Variants in CEMIP2 observed in about 807,000 individuals in gnomAD.
CEMIP2 encodes the protein cell surface hyaluronidase CEMIP2.
A neutral mutation model predicts 146.9 loss-of-function variants in CEMIP2; 79 were observed. That is an observed-to-expected ratio of 0.54 (90% CI 0.45 to 0.65). CEMIP2 has a LOEUF of 0.65. Among genes scored for constraint, CEMIP2 ranks in the 30% least tolerant of loss-of-function variants. CEMIP2 has a pLI of 0.00. For missense variants in CEMIP2, 1,596 were observed against 1,696.2 expected (o/e 0.94, Z 1.04); for synonymous variants, 601 against 606.3 (o/e 0.99, Z 0.13).
At chr9:71,720,013 C>T (rs768847139) in intron 12 of CEMIP2, among the ~76,000 whole-genome samples, 1 of 152,106 alleles carries the variant, frequency 6.6e-6, no homozygotes, top group Admixed American at 6.6e-5. Flanking sequence ...TGCTTTGATA[C>T]CCTTTATTTC....
rs200303233 is a variant in CEMIP2, at chr9:71,746,248, C to T, written c.425G>A (p.Arg142His). ...ATGCACGGTGGCGTCTGAGGTCAGA[C>T]GGAGCATATCTCCCTCCTTGATAAC... The part of the protein sequence containing the change: ...QVVIKEGDML[R>H]LTSDATVHSI... The change falls in exon 3 of 24, where the codon CGT becomes CAT. Residue 142 changes from arginine to histidine, a missense_variant. Coordinates refer to ENST00000377044, the MANE Select transcript of CEMIP2 (RefSeq NM_013390.3). 106 of 1,613,834 alleles carry T rather than the reference C, an allele frequency of 6.6e-5. No homozygotes were observed. Among genetic ancestry groups the T allele is most frequent in the Non-Finnish European group, 8.1e-5 (96 of 1,179,886 alleles).
intron 2 of CEMIP2, among the ~76,000 whole-genome samples, chr9:71,748,517 T>C (rs1389765061): frequency 6.6e-6 from 1 of 152,218 alleles, no homozygotes; most frequent in Non-Finnish European, 1.5e-5. Context: ...TTAGATGGAA[T>C]ATGAAAACAC....
chr9:71,750,435 A>C, intron 1 of CEMIP2, 50 bp from the exon 2 acceptor site: 3 of 1,272,366 alleles, frequency 2.4e-6, no homozygotes, highest in Non-Finnish European at 3.2e-6. Flanking sequence ...ATTCTTTTTT[A>C]ATTTCTTTTA....
intron 17 of CEMIP2, among the ~76,000 whole-genome samples, chr9:71,709,032 T>C (rs1275686583): frequency 6.6e-6 from 1 of 152,136 alleles, no homozygotes; most frequent in East Asian, 1.9e-4. Flanking sequence ...GGACTCACTC[T>C]TTCACCTCTT....
At chr9:71,706,410 G>T (rs919275204) in intron 17 of CEMIP2, among the ~76,000 whole-genome samples, 1 of 152,022 alleles carries the variant, frequency 6.6e-6, no homozygotes, top group African/African-American at 2.4e-5. Context: ...ATTCTCAGGA[G>T]TAAATTTCTG....
chr9:71,751,236 A>G (rs1032421741), intron 1 of CEMIP2, among the ~76,000 whole-genome samples: 10 of 152,194 alleles, frequency 6.6e-5, no homozygotes, highest in Admixed American at 6.5e-4. Context: ...CTCTATATCC[A>G]TTAAGTAACT....
intron 1 of CEMIP2, among the ~76,000 whole-genome samples, chr9:71,757,908 G>A (rs746508282): frequency 6.6e-6 from 1 of 152,138 alleles, no homozygotes; most frequent in African/African-American, 2.4e-5. Context: ...GACTTTTTAG[G>A]TCCTCTAATT....
intron 10 of CEMIP2, among the ~76,000 whole-genome samples, chr9:71,727,864 C>T (rs1823436710): frequency 6.6e-6 from 1 of 152,074 alleles, no homozygotes; most frequent in Non-Finnish European, 1.5e-5. Flanking sequence ...AGTTCAAGAC[C>T]AGCCTGGCCA....
chr9:71,744,053 G>T (rs1824002377), intron 4 of CEMIP2, among the ~76,000 whole-genome samples: 1 of 152,182 alleles, frequency 6.6e-6, no homozygotes, highest in Non-Finnish European at 1.5e-5. Flanking sequence ...ACTCAGAACT[G>T]CGTTAGGAAA....
At chr9:71,734,051 T>C (rs1322440101) in intron 6 of CEMIP2, among the ~76,000 whole-genome samples, 1 of 152,162 alleles carries the variant, frequency 6.6e-6, no homozygotes, top group Non-Finnish European at 1.5e-5. Flanking sequence ...TTTCACCGTA[T>C]GGGCCGGGCC....
At chr9:71,685,573 C>T (rs1195562643) in intron 23 of CEMIP2, among the ~76,000 whole-genome samples, 170 bp downstream of exon 23, 1 of 152,112 alleles carries the variant, frequency 6.6e-6, no homozygotes, top group Non-Finnish European at 1.5e-5. Flanking sequence ...AGATAACAAA[C>T]CACATCCCAA....
chr9:71,729,108 G>A (rs1047718638), intron 10 of CEMIP2, among the ~76,000 whole-genome samples: 7 of 151,794 alleles, frequency 4.6e-5, no homozygotes, highest in Admixed American at 6.6e-5. Context: ...CCAAAGTGCT[G>A]GGATTACAGG....
intron 12 of CEMIP2, among the ~76,000 whole-genome samples, 159 bp from the exon 13 acceptor site, chr9:71,718,238 A>G (rs1014830808): frequency 2.0e-5 from 3 of 152,216 alleles, no homozygotes; most frequent in South Asian, 2.1e-4. Context: ...TTCAAAGAAG[A>G]AATTACATTT....
intron 19 of CEMIP2, chr9:71,699,309 C>G: frequency 3.0e-6 from 1 of 331,348 alleles, no homozygotes. Flanking sequence ...AATTGAAAAT[C>G]AATGCTGGGT....
chr9:71,703,150 A>G (rs1822623560), intron 18 of CEMIP2, among the ~76,000 whole-genome samples: 1 of 152,208 alleles, frequency 6.6e-6, no homozygotes, highest in African/African-American at 2.4e-5. Context: ...GGAGCCAGGC[A>G]AGAGATGGTG....
rs778014529 is a variant in CEMIP2, at chr9:71,685,183, G to A, written c.*14C>T. The A allele has an allele frequency of 2.9e-5, 46 of 1,573,124 alleles. No individual in the cohort carries two copies. The South Asian group carries it at 5.2e-4, about 18-fold the overall frequency. ...ACATTTTTTTTCCCCCAGCACTTAA[G>A]TTACAGTTAGTCTCTAATGTGCTTT... On this transcript the variant is annotated 3_prime_UTR_variant, in exon 24 of 24. Coordinates refer to ENST00000377044, the MANE Select transcript of CEMIP2 (RefSeq NM_013390.3).
At chr9:71,760,925 C>T (rs1824615326) in intron 1 of CEMIP2, among the ~76,000 whole-genome samples, 1 of 152,168 alleles carries the variant, frequency 6.6e-6, no homozygotes, top group Non-Finnish European at 1.5e-5. Flanking sequence ...TCTCATATTT[C>T]TTTTTCTCCT....
At chr9:71,758,757 G>A (rs1824538972) in intron 1 of CEMIP2, among the ~76,000 whole-genome samples, 1 of 152,134 alleles carries the variant, frequency 6.6e-6, no homozygotes, top group African/African-American at 2.4e-5. Flanking sequence ...GGTGACTTCT[G>A]TTTGCTGCTG....
At chr9:71,745,876 C>G (rs1195599221) in intron 3 of CEMIP2, among the ~76,000 whole-genome samples, 1 of 151,932 alleles carries the variant, frequency 6.6e-6, no homozygotes, top group Non-Finnish European at 1.5e-5. Context: ...CATGTTAACT[C>G]TCAGAATTGT....
Sources: allele counts gnomAD v4.1 joint callset (sites outside exome capture counted in the v4.1 genomes callset), GRCh38; gene constraint gnomAD v4.1.1; transcripts MANE v1.5; gene names NCBI Gene and HGNC (gene_info 2026-07-23, HGNC 2026-07-21).